Variants in HECW2 observed in about 807,000 individuals in gnomAD.
HECW2 encodes E3 ubiquitin-protein ligase HECW2.
A neutral mutation model predicts 175.2 loss-of-function variants in HECW2; 61 were observed. The observed-to-expected ratio is 0.35, with a 90% confidence interval of 0.28 to 0.43. The LOEUF (loss-of-function observed/expected upper bound fraction) is 0.43, where lower values mean the gene tolerates loss of function less well. Ranked by LOEUF, HECW2 falls within the 20% of genes least tolerant of loss-of-function variation. The pLI, the probability that HECW2 is intolerant of heterozygous loss-of-function variation, is 1.00. For synonymous variants in HECW2, 671 were observed against 731.0 expected (o/e 0.92, Z 1.32); for missense variants, 1,524 against 2,000.5 (o/e 0.76, Z 4.54).
chr2:196,510,455 A>G (rs1687907757), intron 1 of HECW2, among the ~76,000 whole-genome samples: 1 of 152,228 alleles, frequency 6.6e-6, no homozygotes, highest in South Asian at 2.1e-4. Context: ...CCAGAGAAAC[A>G]GGAAAATCTA....
chr2:196,276,823 C>T (rs1479162330), intron 15 of HECW2, among the ~76,000 whole-genome samples: 1 of 152,168 alleles, frequency 6.6e-6, no homozygotes, highest in Non-Finnish European at 1.5e-5. Flanking sequence ...AACCAGCAAA[C>T]ACATGATGCA....
chr2:196,400,434 A>G (rs1694787151), intron 2 of HECW2, among the ~76,000 whole-genome samples: 1 of 152,228 alleles, frequency 6.6e-6, no homozygotes. Flanking sequence ...AGATAAGCTT[A>G]GGTATTGTAT....
intron 26 of HECW2, among the ~76,000 whole-genome samples, chr2:196,219,232 G>C (rs1238822134): frequency 6.6e-6 from 1 of 152,176 alleles, no homozygotes; most frequent in Non-Finnish European, 1.5e-5. Context: ...ACCCAAAGGA[G>C]AAAACAACTG....
chr2:196,363,383 A>G (rs1348700273), intron 2 of HECW2, among the ~76,000 whole-genome samples: 1 of 152,126 alleles, frequency 6.6e-6, no homozygotes, highest in African/African-American at 2.4e-5. Context: ...GATAACAGCC[A>G]GGATTTAAAG....
chr2:196,229,326 C>T (rs1687964316), intron 21 of HECW2, among the ~76,000 whole-genome samples: 1 of 150,722 alleles, frequency 6.6e-6, no homozygotes, highest in Non-Finnish European at 1.5e-5. Flanking sequence ...AAAAAAAAAT[C>T]TGAGTCTTGT....
intron 13 of HECW2, among the ~76,000 whole-genome samples, chr2:196,301,785 C>T (rs1472330833): frequency 6.7e-6 from 1 of 149,558 alleles, no homozygotes; most frequent in Non-Finnish European, 1.5e-5. Flanking sequence ...GGACATTAGA[C>T]CTTTGTCACA....
chr2:196,393,651 A>G (rs1348450431), intron 2 of HECW2, among the ~76,000 whole-genome samples: 2 of 152,190 alleles, frequency 1.3e-5, no homozygotes, highest in Non-Finnish European at 2.9e-5. Flanking sequence ...AAGTCAGGAA[A>G]CAACAGGTGC....
At chr2:196,444,287 GAA>G (rs1265209805) in intron 1 of HECW2, among the ~76,000 whole-genome samples, 1 of 37,828 alleles carries the variant, frequency 2.6e-5, no homozygotes, top group African/African-American at 4.0e-5. Context: ...CATTAGGTGG[GAA>G]AGTCTTCTTT....
chr2:196,395,170 A>G (rs1694625043), intron 2 of HECW2, among the ~76,000 whole-genome samples: 1 of 152,228 alleles, frequency 6.6e-6, no homozygotes, highest in Admixed American at 6.5e-5. Context: ...GATTCAGACC[A>G]TAGCGGACTT....
At chr2:196,308,361 C>G (rs769837903) in intron 10 of HECW2, among the ~76,000 whole-genome samples, 1 of 152,122 alleles carries the variant, frequency 6.6e-6, no homozygotes, top group Non-Finnish European at 1.5e-5. Context: ...TCACCCTTCA[C>G]GTATGAGCCC....
intron 1 of HECW2, among the ~76,000 whole-genome samples, chr2:196,587,918 C>T (rs564029490): frequency 1.3e-5 from 2 of 152,200 alleles, no homozygotes; most frequent in African/African-American, 2.4e-5. Flanking sequence ...TCATGCTGAT[C>T]TTGCAAATCT....
At chr2:196,588,509 C>A (rs1691068650) in intron 1 of HECW2, among the ~76,000 whole-genome samples, 1 of 152,062 alleles carries the variant, frequency 6.6e-6, no homozygotes, top group Non-Finnish European at 1.5e-5. Flanking sequence ...GAGGCTAGAT[C>A]CAAAGAGTTT....
chr2:196,587,702 T>G (rs1691034659), intron 1 of HECW2, among the ~76,000 whole-genome samples: 1 of 152,228 alleles, frequency 6.6e-6, no homozygotes, highest in African/African-American at 2.4e-5. Flanking sequence ...AAGTGGACCA[T>G]TAACAAAATG....
At chr2:196,252,484 C>T (rs1011241097) in intron 19 of HECW2, among the ~76,000 whole-genome samples, 12 of 152,094 alleles carry the variant, frequency 7.9e-5, no homozygotes, top group Non-Finnish European at 1.5e-4. Flanking sequence ...TTTCGCACCA[C>T]TCCCTTGGTG....
At chr2:196,207,692 T>C (rs1260339402) in intron 28 of HECW2, among the ~76,000 whole-genome samples, 1 of 152,232 alleles carries the variant, frequency 6.6e-6, no homozygotes, top group Non-Finnish European at 1.5e-5. Context: ...TGTTTTAAGG[T>C]CAACGTATAT....
At chr2:196,209,896 T>TG (rs1158790856) in intron 28 of HECW2, among the ~76,000 whole-genome samples, 1 of 152,022 alleles carries the variant, frequency 6.6e-6, no homozygotes, top group Non-Finnish European at 1.5e-5. Context: ...CCCGAGTAGA[T>TG]GGGGCTACAG....
At chr2:196,323,919 G>GTTT (rs1294087624) in intron 6 of HECW2, among the ~76,000 whole-genome samples, 5 of 37,618 alleles carry the variant, frequency 1.3e-4, no homozygotes, top group Non-Finnish European at 1.3e-4. Context: ...TTTTTTGTTT[G>GTTT]TTTTTTTTTT....
intron 2 of HECW2, among the ~76,000 whole-genome samples, chr2:196,419,069 C>T (rs13423858): frequency 0.036 from 5,477 of 152,218 alleles, 323 homozygotes; most frequent in African/African-American, 0.12. Context: ...GCACAGAGAG[C>T]TGGGTAAGGT....
chr2:196,526,558 G>A (rs929387704), intron 1 of HECW2, among the ~76,000 whole-genome samples: 81 of 151,454 alleles, frequency 5.3e-4, no homozygotes, highest in African/African-American at 1.7e-3. Context: ...GGCGCTCTGC[G>A]TTTTAGAGTT....
Sources: gnomAD v4.1 joint callset for allele counts (sites outside exome capture counted in the v4.1 genomes callset) on GRCh38, gnomAD v4.1.1 for gene constraint, MANE v1.5 for transcripts, NCBI Gene and HGNC (gene_info 2026-07-23, HGNC 2026-07-21) for gene names.